BRD1: variants seen among roughly 807,000 people sequenced by gnomAD.
BRD1 encodes bromodomain containing 1.
In BRD1, 24 loss-of-function variants were observed where a neutral mutation model predicts 107.7. That is an observed-to-expected ratio of 0.22 (90% CI 0.16 to 0.31). The LOEUF (loss-of-function observed/expected upper bound fraction) is 0.31. BRD1 is among the 10% of genes least tolerant of loss of function. The pLI is 1.00. For missense variants in BRD1, 1,279 were observed against 1,638.6 expected (o/e 0.78, Z 3.79); for synonymous variants, 744 against 686.1 (o/e 1.08, Z -1.32).
Position 49,824,440 on chromosome 22 carries a change from C to A in BRD1, c.-14-109G>T. On this transcript the variant is annotated intron_variant, in intron 1 of 12. Transcript: ENST00000404760. The surrounding 1 kb of genome is among the most constrained non-coding windows in gnomAD (Gnocchi z 5.9). ...CTAGCTCAGCAGCTCAAAGCCCAAT[C>A]AAAGCAAAACTCACAGCTAACCTCT... 6.8e-7 allele frequency: 1 copy of A among 1,480,268 alleles called. No individual in the cohort carries two copies. The highest frequency in any genetic ancestry group is 2.4e-5 in the East Asian group (1 of 41,974). 91.7% of individuals were successfully genotyped at this position (1,480,268 alleles called of 1,614,324 possible). A position where few individuals can be genotyped will look rare whatever the true frequency, so the allele number is the denominator to read the frequency against.
chr22:49,825,275 C>T (rs1420918830), intron 1 of BRD1, among the ~76,000 whole-genome samples: 2 of 152,162 alleles, frequency 1.3e-5, no homozygotes, highest in African/African-American at 2.4e-5. Context: ...GGCTCCACAG[C>T]GAGGGGTGAC....
chr22:49,796,499 G>A (rs1198257529), intron 6 of BRD1, among the ~76,000 whole-genome samples: 1 of 152,062 alleles, frequency 6.6e-6, no homozygotes, highest in Non-Finnish European at 1.5e-5. Context: ...TGGGATTACA[G>A]GCATGCGCCA....
chr22:49,774,267 C>G lies in BRD1; in HGVS notation c.3536G>C (p.Gly1179Ala), dbSNP rs776609180. 1.2e-6 allele frequency: 2 copies of G among 1,614,140 alleles called. No individual in the cohort carries two copies. Among genetic ancestry groups the G allele is most frequent in the Non-Finnish European group, 1.7e-6 (2 of 1,180,008 alleles). ...GTCACTGAGGTCGCTGGTCGGCTCC[C>G]CGTGGACGCGGCTCAGGTGGTTCAT... The part of the protein sequence containing the change: ...RAMNHLSRVH[G>A]EPTSDLSDID The change falls in exon 13 of 13, where the codon GGG becomes GCG. Residue 1179 changes from glycine (G) to alanine (A), a missense_variant. By Grantham distance (60) the Gly-to-Ala change is moderately conservative. Coordinates refer to ENST00000404760, the MANE Select transcript of BRD1 (RefSeq NM_001304808.3).
rs920747562 is a variant in BRD1, at chr22:49,783,929, T to A, written c.2857+3461A>T. Among the ~76,000 whole-genome samples, 5 of 152,170 alleles carry A rather than the reference T, an allele frequency of 3.3e-5. No individual in the cohort carries two copies. The highest frequency in any genetic ancestry group is 1.9e-4 in the East Asian group (1 of 5,196). On this transcript the variant is annotated intron_variant, in intron 8 of 12. Coordinates refer to ENST00000404760, the MANE Select transcript of BRD1 (RefSeq NM_001304808.3). The surrounding 1 kb of genome is among the most constrained non-coding windows in gnomAD (Gnocchi z 4.2). ...TCCAAGTTGAGGTAAGAGAAAATGA[T>A]TAGGGTCCAAAGAGTGAACTACCCA... is the stretch of plus-strand genomic sequence containing the variant.
intron 2 of BRD1, among the ~76,000 whole-genome samples, chr22:49,812,802 T>A (rs1220831593): frequency 6.7e-6 from 1 of 149,314 alleles, no homozygotes; most frequent in Non-Finnish European, 1.5e-5. Context: ...GGAGACAAGG[T>A]GCCGCCCATG....
intron 2 of BRD1, among the ~76,000 whole-genome samples, chr22:49,805,259 C>T (rs1423818025): frequency 3.9e-5 from 6 of 152,174 alleles, no homozygotes; most frequent in Non-Finnish European, 7.4e-5. Context: ...CAAGGGAACC[C>T]AACGCCGCCT....
intron 2 of BRD1, among the ~76,000 whole-genome samples, chr22:49,807,778 G>C (rs763464557): frequency 6.6e-6 from 1 of 152,178 alleles, no homozygotes; most frequent in East Asian, 1.9e-4. Flanking sequence ...ATGTTAAAAT[G>C]TGTGCATTAA....
In BRD1 at chr22:49,823,045, T is replaced by C; in HGVS notation, c.1273A>G (p.Lys425Glu). ...SSVKTVRSTSKVRKKAKKAKK... is the reference protein window; with the variant it reads ...SSVKTVRSTSEVRKKAKKAKK... Reference sequence around the variant, plus strand: ...GCCTTTTTTGCCTTCTTCCTGACCTTGGATGTGGACCTGACCGTTTTAACC... The same window carrying C: ...GCCTTTTTTGCCTTCTTCCTGACCTCGGATGTGGACCTGACCGTTTTAACC... Residue 425 changes from lysine (K) to glutamate (E), a missense_variant, in exon 2 of 13, where the codon AAG (lysine) becomes GAG (glutamate). Physicochemically the swap from Lys to Glu is moderately conservative, Grantham distance 56. Transcript: ENST00000404760. The C allele has an allele frequency of 6.2e-7, 1 of 1,614,254 alleles. No homozygotes were observed.
chr22:49,788,169 G>A (rs75225464), intron 7 of BRD1, among the ~76,000 whole-genome samples: 5,721 of 152,182 alleles, frequency 0.038, 397 homozygotes, highest in African/African-American at 0.13. Context: ...TATTAAACAC[G>A]TCACTCGAGT....
At chr22:49,814,974 T>C (rs2059922479) in intron 2 of BRD1, among the ~76,000 whole-genome samples, 1 of 152,190 alleles carries the variant, frequency 6.6e-6, no homozygotes, top group African/African-American at 2.4e-5. Flanking sequence ...TAGAGGAACG[T>C]TGCCCCACAA....
In BRD1 at chr22:49,824,247, T is replaced by G; in HGVS notation, c.71A>C (p.His24Pro). 1 of 1,613,784 alleles carries G rather than the reference T, an allele frequency of 6.2e-7. No homozygotes were observed. The change falls in exon 2 of 13, where the codon CAC becomes CCC. Residue 24 changes from histidine (H) to proline (P), a missense_variant. Around this residue, in one of 7 missense-constraint regions of BRD1, gnomAD observed 223 missense variants for 263.5 expected, o/e 0.85. Transcript: ENST00000404760. The surrounding 1 kb of genome is among the most constrained non-coding windows in gnomAD (Gnocchi z 5.9). ...GGTCAGCGTTTCTCGCGTAGGGGAG[T>G]GTTTAACACTGCATGGGGAAGAAGG... ...RHPSSPCSVKHSPTRETLTYA... is the reference protein window; with the variant it reads ...RHPSSPCSVKPSPTRETLTYA...
intron 8 of BRD1, among the ~76,000 whole-genome samples, chr22:49,787,066 A>G (rs138837): frequency 0.37 from 56,529 of 151,766 alleles, 14,742 homozygotes; most frequent in African/African-American, 0.75. Flanking sequence ...TGGGTGACAA[A>G]GCAAGACTCT....
Position 49,824,393 on chromosome 22 carries a change from A to G in BRD1, c.-14-62T>C. 6.4e-7 allele frequency: 1 copy of G among 1,573,544 alleles called. No homozygotes were observed. The highest frequency in any genetic ancestry group is 8.6e-7 in the Non-Finnish European group (1 of 1,162,210). On this transcript the variant is annotated intron_variant, in intron 1 of 12. Transcript: ENST00000404760. This position sits in a 1 kb window ranked among gnomAD's most constrained non-coding sequence, Gnocchi z 5.9. ...GGGTGACCAAAGACTCGAGAAAACC[A>G]CAAAAGCATGCTTGGACAGATCTAG... is the stretch of plus-strand genomic sequence containing the variant.
chr22:49,777,782 G>GCTC lies in BRD1; in HGVS notation c.2886_2888dup (p.Arg962dup). The GCTC allele has an allele frequency of 6.2e-7, 1 of 1,604,024 alleles. No homozygotes were observed. Among genetic ancestry groups the GCTC allele is most frequent in the Non-Finnish European group, 8.5e-7 (1 of 1,177,960 alleles). ...CCAGGCCGCCGCCCGGCTCCTGCTC[G>GCTC]CTCCTCGCACCCCCAAAGCCGTTGG... On this transcript the variant is annotated inframe_insertion, in exon 9 of 13. Transcript: ENST00000404760.
rs1601603192 is a variant in BRD1, at chr22:49,778,272, G to C, written c.2858-459C>G. On this transcript the variant is annotated intron_variant, in intron 8 of 12. Coordinates refer to ENST00000404760, the MANE Select transcript of BRD1 (RefSeq NM_001304808.3). The stretch of plus-strand genomic sequence containing the variant: ...ACACAAAAACATGTTCACAGGAGCA[G>C]AGCTCCAGGGAATAGGAAATCAGGT... 2.0e-5 allele frequency among the ~76,000 whole-genome samples: 3 copies of C among 152,362 alleles called. No homozygotes were observed. The South Asian group carries it at 6.2e-4, about 32-fold the overall frequency.
chr22:49,802,791 T>C (rs1262063172), intron 3 of BRD1, among the ~76,000 whole-genome samples: 1 of 152,256 alleles, frequency 6.6e-6, no homozygotes, highest in Non-Finnish European at 1.5e-5. Context: ...CGTGCTGTCC[T>C]TTCCAGGAGC....
chr22:49,793,963 C>G (rs1308213345), intron 7 of BRD1, 71 bp downstream of exon 7: 29 of 1,543,016 alleles, frequency 1.9e-5, no homozygotes, highest in South Asian at 2.5e-5. Flanking sequence ...GTGTCTGGGT[C>G]TGTGCCTGTG....
intron 3 of BRD1, among the ~76,000 whole-genome samples, chr22:49,801,496 C>T (rs931592321): frequency 4.6e-5 from 7 of 152,238 alleles, no homozygotes; most frequent in Non-Finnish European, 8.8e-5. Context: ...CCACACCAAG[C>T]CGTGGCCATC....
At position 49,824,570 on chromosome 22, in the gene BRD1, C is replaced by T; in HGVS notation, c.-14-239G>A. The stretch of plus-strand genomic sequence containing the variant: ...AGGCAGCCTGAGGAGCCCTCCTGAG[C>T]ACCTGCGTCCCTACCACCACACACC... On this transcript the variant is annotated intron_variant, in intron 1 of 12. Coordinates refer to ENST00000404760, the MANE Select transcript of BRD1 (RefSeq NM_001304808.3). This position sits in a 1 kb window ranked among gnomAD's most constrained non-coding sequence, Gnocchi z 5.9. The T allele has an allele frequency of 7.4e-7, 1 of 1,345,082 alleles. No homozygotes were observed. The highest frequency in any genetic ancestry group is 9.6e-7 in the Non-Finnish European group (1 of 1,045,120). The allele number at this position is 1,345,082 out of a possible 1,614,324, so 83.3% of individuals were successfully genotyped here.
Sources: allele counts gnomAD v4.1 joint callset (sites outside exome capture counted in the v4.1 genomes callset), GRCh38; gene constraint gnomAD v4.1.1; regional missense constraint gnomAD v4.1.1; non-coding constraint Gnocchi (gnomAD v3.1); transcripts MANE v1.5; gene names NCBI Gene and HGNC (gene_info 2026-07-23, HGNC 2026-07-21).